Variants in TTC9 observed in about 807,000 individuals in gnomAD.
The protein encoded by TTC9 is tetratricopeptide repeat protein 9A.
TTC9 carries 13 observed loss-of-function variants against 22.9 expected under a neutral mutation model. The observed-to-expected ratio is 0.57, with a 90% CI of 0.37 to 0.90. TTC9 has a LOEUF of 0.90. TTC9 is among the 40% of genes least tolerant of loss of function. The pLI is 0.01. For synonymous variants in TTC9, 148 were observed against 133.2 expected (o/e 1.11, Z -0.77); for missense variants, 280 against 291.8 (o/e 0.96, Z 0.29).
rs1886234075 is a variant in TTC9, at chr14:70,667,669, G to A, written c.512G>A (p.Gly171Asp). ...GENFKALYRS[G>D]VAFYHLGDYD... ...AACTTCAAGGCCCTTTACCGGTCTG[G>A]TGTGGCCTTCTACCACCTTGGGGAC... is the stretch of plus-strand genomic sequence containing the variant. Residue 171 changes from glycine (G) to aspartate (D), a missense_variant, in exon 2 of 3, where the codon GGT (glycine) becomes GAT (aspartate). Transcript: ENST00000256367. 6.2e-7 allele frequency: 1 copy of A among 1,613,980 alleles called. No homozygotes were observed. The highest frequency in any genetic ancestry group is 8.5e-7 in the Non-Finnish European group (1 of 1,179,880).
Position 70,671,106 on chromosome 14 carries a change from C to A in TTC9, c.620C>A (p.Thr207Lys). ...DTNVIRYIQLTEMKLSRCSQR... is the reference protein window; with the variant it reads ...DTNVIRYIQLKEMKLSRCSQR... ...AACGTGATTCGGTATATCCAGCTGACGGAGATGAAACTCAGCCGATGCTCC... is the reference window on the plus strand; with the variant it reads ...AACGTGATTCGGTATATCCAGCTGAAGGAGATGAAACTCAGCCGATGCTCC... The change falls in exon 3 of 3, where the codon ACG becomes AAG. Residue 207 changes from threonine (T) to lysine (K), a missense_variant. Thr to Lys is a moderately conservative substitution (Grantham distance 78). Transcript: ENST00000256367. 6.2e-7 allele frequency: 1 copy of A among 1,613,670 alleles called. No individual in the cohort carries two copies. Among genetic ancestry groups the A allele is most frequent in the South Asian group, 1.1e-5 (1 of 91,070 alleles).
At chr14:70,650,170 G>A (rs1014052858) in intron 1 of TTC9, among the ~76,000 whole-genome samples, 2 of 152,138 alleles carry the variant, frequency 1.3e-5, no homozygotes, top group Admixed American at 6.5e-5. Context: ...TCACAGCGGT[G>A]CAGCACTTTT....
intron 1 of TTC9, among the ~76,000 whole-genome samples, chr14:70,654,977 C>T (rs1566697900): frequency 6.6e-6 from 1 of 152,248 alleles, no homozygotes; most frequent in Admixed American, 6.5e-5. Flanking sequence ...ACTGTTTACA[C>T]ATCCAGCTAG....
At chr14:70,658,066 C>G (rs1229002227) in intron 1 of TTC9, among the ~76,000 whole-genome samples, 1 of 152,190 alleles carries the variant, frequency 6.6e-6, no homozygotes, top group Non-Finnish European at 1.5e-5. Flanking sequence ...CTTCAGAGAT[C>G]AGCCAGTCCG....
chr14:70,642,565 G>A (rs528465703), intron 1 of TTC9, 30 bp downstream of exon 1: 3 of 1,462,776 alleles, frequency 2.1e-6, no homozygotes, highest in African/African-American at 1.4e-5. Flanking sequence ...CCGCGCCGCG[G>A]TCCCCGTTCT....
intron 2 of TTC9, among the ~76,000 whole-genome samples, chr14:70,670,071 A>C (rs940753772): frequency 1.3e-5 from 2 of 152,254 alleles, no homozygotes; most frequent in African/African-American, 2.4e-5. Context: ...AGCTTAAAAA[A>C]ATTACATTAG....
In TTC9 at chr14:70,642,067, CGCG is replaced by C. The variant is rs528163428; in HGVS notation, c.-43_-41del. On this transcript the variant is annotated 5_prime_UTR_variant, in exon 1 of 3. Coordinates refer to ENST00000256367, the MANE Select transcript of TTC9 (RefSeq NM_015351.2). ...CCCGCGGCTTTTAAACCCGGGAAGG[CGCG>C]GCGGCGGCGGCGGCGGCGGGCAGAT... The C allele has an allele frequency of 5.1e-3, 4,928 of 957,490 alleles. No homozygotes were observed. Among genetic ancestry groups the C allele is most frequent in the Non-Finnish European group, 5.5e-3 (4,385 of 799,384 alleles). The allele number at this position is 957,490 out of a possible 1,614,324, so 59.3% of individuals were successfully genotyped here.
At chr14:70,656,812 C>G (rs181473192) in intron 1 of TTC9, among the ~76,000 whole-genome samples, 1 of 152,314 alleles carries the variant, frequency 6.6e-6, no homozygotes. Context: ...CCAATCTGGC[C>G]ACTCCAAAGT....
Position 70,651,835 on chromosome 14 carries a change from A to T in TTC9, c.406+9300A>T, listed in dbSNP as rs552586897. Among the ~76,000 whole-genome samples the T allele has an allele frequency of 3.3e-5, 5 of 152,262 alleles. No homozygotes were observed. The South Asian group carries it at 1.0e-3, about 32-fold the overall frequency. ...TAGCTCCTGAGTCTAGAAATTCCGC[A>T]TGTTGGAGGCTCAGCCAGAGCAGCC... is the stretch of plus-strand genomic sequence containing the variant. On this transcript the variant is annotated intron_variant, in intron 1 of 2. Transcript: ENST00000256367.
intron 1 of TTC9, among the ~76,000 whole-genome samples, chr14:70,653,622 C>T (rs1830431315): frequency 6.6e-6 from 1 of 152,178 alleles, no homozygotes; most frequent in Non-Finnish European, 1.5e-5. Flanking sequence ...CACATCATCT[C>T]CAGCCTGAGA....
At chr14:70,667,057 T>C (rs533243473) in intron 1 of TTC9, among the ~76,000 whole-genome samples, 1 of 152,360 alleles carries the variant, frequency 6.6e-6, no homozygotes, top group African/African-American at 2.4e-5. Flanking sequence ...ATCTGTTCCA[T>C]GCCTCTCTGT....
chr14:70,671,525 A>G lies in TTC9; in HGVS notation c.*370A>G. The G allele has an allele frequency of 4.1e-6, 1 of 241,362 alleles. No homozygotes were observed. Among genetic ancestry groups the G allele is most frequent in the Non-Finnish European group, 8.2e-6 (1 of 121,238 alleles). 15.0% of individuals were successfully genotyped at this position (241,362 alleles called of 1,614,324 possible). ...GCAAGTGTACCATCCCACAGGCAGC[A>G]GGCACACAGCCCATGGGCTGGATCC... On this transcript the variant is annotated 3_prime_UTR_variant, in exon 3 of 3. Coordinates refer to ENST00000256367, the MANE Select transcript of TTC9 (RefSeq NM_015351.2).
At chr14:70,656,236 CACACACACACA>C (rs1886064902) in intron 1 of TTC9, among the ~76,000 whole-genome samples, 1 of 149,606 alleles carries the variant, frequency 6.7e-6, no homozygotes, top group Admixed American at 6.7e-5. Flanking sequence ...CACACACACA[CACACACACACA>C]TTTATTTTTC....
At chr14:70,665,353 T>A (rs534026881) in intron 1 of TTC9, among the ~76,000 whole-genome samples, 2 of 151,626 alleles carry the variant, frequency 1.3e-5, no homozygotes, top group African/African-American at 4.8e-5. Flanking sequence ...CAGAAACCCC[T>A]CTCTCTCTCT....
At chr14:70,668,247 A>T (rs898796197) in intron 2 of TTC9, among the ~76,000 whole-genome samples, 2 of 152,224 alleles carry the variant, frequency 1.3e-5, no homozygotes, top group Non-Finnish European at 2.9e-5. Context: ...TATAGCATTC[A>T]CTTAGATCAT....
Position 70,642,206 on chromosome 14 carries a change from C to T in TTC9, c.77C>T (p.Pro26Leu). 8.0e-7 allele frequency: 1 copy of T among 1,254,794 alleles called. No individual in the cohort carries two copies. The highest frequency in any genetic ancestry group is 1.0e-6 in the Non-Finnish European group (1 of 997,288). 77.7% of individuals were successfully genotyped at this position (1,254,794 alleles called of 1,614,324 possible). A position where few individuals can be genotyped will look rare whatever the true frequency, so the allele number is the denominator to read the frequency against. ...PPAAGEGQRP[P>L]PPLCVPGGGG... ...GCGGCCGGAGAGGGGCAGCGGCCAC[C>T]GCCGCCGCTGTGCGTCCCGGGCGGC... Residue 26 changes from proline (P) to leucine (L), a missense_variant, in exon 1 of 3, where the codon CCG (proline) becomes CTG (leucine). Around this residue, in one of 5 missense-constraint regions of TTC9, gnomAD observed 49 missense variants for 39.8 expected, o/e 1.23. Coordinates refer to ENST00000256367, the MANE Select transcript of TTC9 (RefSeq NM_015351.2).
At chr14:70,643,496 A>G (rs1258410302) in intron 1 of TTC9, among the ~76,000 whole-genome samples, 1 of 152,162 alleles carries the variant, frequency 6.6e-6, no homozygotes, top group Non-Finnish European at 1.5e-5. Flanking sequence ...CTCTTGCCCC[A>G]TTTGGTGAGA....
Position 70,643,902 on chromosome 14 carries a change from G to T in TTC9, c.406+1367G>T, listed in dbSNP as rs556220620. Among the ~76,000 whole-genome samples, 216 of 152,290 alleles carry T rather than the reference G, an allele frequency of 1.4e-3. 1 individual carries two copies. The highest frequency in any genetic ancestry group is 4.3e-3 in the African/African-American group (177 of 41,558). On this transcript the variant is annotated intron_variant, in intron 1 of 2. Transcript: ENST00000256367. ...AGTAGCAGCAGTTGGAGGAGTGGTG[G>T]TGCTAATAGCAATACTAGCAGTAAT...
chr14:70,655,387 G>A (rs188130480), intron 1 of TTC9, among the ~76,000 whole-genome samples: 55 of 150,642 alleles, frequency 3.7e-4, no homozygotes, highest in African/African-American at 1.3e-3. Context: ...GCGACAGAGC[G>A]AGACTCCATC....
Sources: allele counts gnomAD v4.1 joint callset (sites outside exome capture counted in the v4.1 genomes callset), GRCh38; gene constraint gnomAD v4.1.1; regional missense constraint gnomAD v4.1.1; transcripts MANE v1.5; gene names NCBI Gene and HGNC (gene_info 2026-07-23, HGNC 2026-07-21).